PACRG: variants seen among roughly 807,000 people sequenced by gnomAD.
PACRG encodes parkin coregulated.
PACRG carries 29 observed loss-of-function variants against 29.7 expected under a neutral mutation model. The ratio of observed to expected loss-of-function variants is 0.98; its 90% CI spans 0.73 to 1.33. The LOEUF is 1.33. PACRG is among the 40% of genes most tolerant of loss of function. The pLI is 0.00. For missense variants in PACRG, 279 were observed against 316.2 expected (o/e 0.88, Z 0.89); for synonymous variants, 116 against 118.7 (o/e 0.98, Z 0.15).
At chr6:162,769,451 T>C (rs1783044438) in intron 1 of PACRG, among the ~76,000 whole-genome samples, 1 of 152,082 alleles carries the variant, frequency 6.6e-6, no homozygotes, top group South Asian at 2.1e-4. Flanking sequence ...TGTTCAAAGC[T>C]CATACGTGTT....
chr6:162,746,105 T>G (rs1780968635), intron 1 of PACRG, among the ~76,000 whole-genome samples: 1 of 152,206 alleles, frequency 6.6e-6, no homozygotes, highest in Admixed American at 6.5e-5. Context: ...AGATCATGGC[T>G]AACTACCTTA....
At chr6:163,160,995 C>T (rs1002244197) in intron 4 of PACRG, among the ~76,000 whole-genome samples, 1 of 152,296 alleles carries the variant, frequency 6.6e-6, no homozygotes, top group South Asian at 2.1e-4. Context: ...AGCTACTGCA[C>T]GCCCAAGGTG....
rs150552335 is a variant in PACRG, at chr6:163,018,535, T to G, written c.292-43615T>G. On this transcript the variant is annotated intron_variant, in intron 2 of 4. Coordinates refer to ENST00000366888, the MANE Select transcript of PACRG (RefSeq NM_001080379.2). ...GAGTATAAAATCTTTGGCTCAAATT[T>G]TTTTTCCTCAAGTTGCCCAATTTCT... Among the ~76,000 whole-genome samples, 1,467 of 152,316 alleles carry G rather than the reference T, an allele frequency of 9.6e-3. 14 individuals are homozygous for G. The highest frequency in any genetic ancestry group is 0.02 in the Middle Eastern group (6 of 294).
At chr6:162,968,116 G>A (rs1801204591) in intron 2 of PACRG, among the ~76,000 whole-genome samples, 1 of 152,088 alleles carries the variant, frequency 6.6e-6, no homozygotes, top group South Asian at 2.1e-4. Context: ...AATTAATTAA[G>A]TAGGTGAATG....
At chr6:162,906,109 C>G (rs575181365) in intron 2 of PACRG, among the ~76,000 whole-genome samples, 20 of 152,158 alleles carry the variant, frequency 1.3e-4, no homozygotes, top group African/African-American at 4.3e-4. Flanking sequence ...TTACTATTGT[C>G]TTCTTCATGG....
intron 1 of PACRG, among the ~76,000 whole-genome samples, chr6:162,730,971 G>A (rs1355676229): frequency 6.6e-6 from 1 of 152,062 alleles, no homozygotes; most frequent in Non-Finnish European, 1.5e-5. Flanking sequence ...GATACTTTCT[G>A]TGCTGAACAA....
chr6:162,944,901 G>A (rs1798893883), intron 2 of PACRG, among the ~76,000 whole-genome samples: 1 of 151,852 alleles, frequency 6.6e-6, no homozygotes. Context: ...ACAAAAAAAG[G>A]GATAGAAAAC....
chr6:163,134,968 T>C (rs116082171), intron 4 of PACRG, among the ~76,000 whole-genome samples: 2,149 of 152,284 alleles, frequency 0.014, 40 homozygotes, highest in African/African-American at 0.045. Context: ...CTCCCTACTC[T>C]GAGGTGATGA....
intron 2 of PACRG, among the ~76,000 whole-genome samples, chr6:163,006,002 C>T (rs1264444061): frequency 2.1e-5 from 3 of 139,934 alleles, no homozygotes; most frequent in Non-Finnish European, 4.5e-5. Context: ...CTGTGTATAA[C>T]ATTTATATGT....
chr6:162,792,686 C>T (rs1010696497), intron 1 of PACRG, among the ~76,000 whole-genome samples: 1 of 152,112 alleles, frequency 6.6e-6, no homozygotes, highest in African/African-American at 2.4e-5. Flanking sequence ...AGACAGCATC[C>T]TTAGGGAAAA....
intron 4 of PACRG, among the ~76,000 whole-genome samples, chr6:163,232,057 G>C (rs66518967): frequency 6.6e-6 from 1 of 152,132 alleles, no homozygotes; most frequent in African/African-American, 2.4e-5. Flanking sequence ...ACTTGAAGTG[G>C]GCACTGACTT....
chr6:162,907,108 T>C (rs1298225901), intron 2 of PACRG, among the ~76,000 whole-genome samples: 1 of 152,190 alleles, frequency 6.6e-6, no homozygotes, highest in African/African-American at 2.4e-5. Flanking sequence ...AAAAGCATTT[T>C]GTTCATATAC....
At chr6:162,940,710 T>G (rs1798557188) in intron 2 of PACRG, among the ~76,000 whole-genome samples, 1 of 152,174 alleles carries the variant, frequency 6.6e-6, no homozygotes, top group African/African-American at 2.4e-5. Flanking sequence ...CAGGGGCAAG[T>G]GACAGTTGCT....
chr6:162,896,675 C>T (rs1795192403), intron 2 of PACRG, among the ~76,000 whole-genome samples: 1 of 152,170 alleles, frequency 6.6e-6, no homozygotes, highest in Admixed American at 6.5e-5. Flanking sequence ...TTATATGAAA[C>T]ATGTATCAGA....
intron 2 of PACRG, among the ~76,000 whole-genome samples, chr6:162,960,175 A>G (rs1256369961): frequency 6.6e-6 from 1 of 152,254 alleles, no homozygotes; most frequent in Non-Finnish European, 1.5e-5. Context: ...AAATTAGTTC[A>G]TTCACTGTGG....
At chr6:162,815,088 A>G (rs1787219498) in intron 2 of PACRG, among the ~76,000 whole-genome samples, 1 of 152,106 alleles carries the variant, frequency 6.6e-6, no homozygotes, top group African/African-American at 2.4e-5. Context: ...TTTTGGTGAT[A>G]TTTATCAACT....
intron 2 of PACRG, among the ~76,000 whole-genome samples, chr6:162,974,721 G>A (rs1241106658): frequency 6.6e-6 from 1 of 152,084 alleles, no homozygotes; most frequent in African/African-American, 2.4e-5. Flanking sequence ...ATTGTTAAGA[G>A]CTTTATATTT....
chr6:162,980,734 T>C (rs988596017), intron 2 of PACRG, among the ~76,000 whole-genome samples: 10 of 152,178 alleles, frequency 6.6e-5, no homozygotes, highest in African/African-American at 2.2e-4. Context: ...ATATTTCATA[T>C]TTGCCTGATA....
intron 4 of PACRG, among the ~76,000 whole-genome samples, chr6:163,139,876 A>T (rs1004138969): frequency 2.0e-4 from 31 of 152,248 alleles, no homozygotes; most frequent in African/African-American, 7.2e-4. Context: ...TTTGCTAAGG[A>T]GTCCCTCAAC....
Sources: gnomAD v4.1 joint callset for allele counts (sites outside exome capture counted in the v4.1 genomes callset) on GRCh38, gnomAD v4.1.1 for gene constraint, MANE v1.5 for transcripts, NCBI Gene and HGNC (gene_info 2026-07-23, HGNC 2026-07-21) for gene names.